The following TUFT1 variants were observed in gnomAD, a reference collection of about 807,000 sequenced individuals.
The protein encoded by TUFT1 is tuftelin.
In TUFT1, 43 loss-of-function variants were observed where a neutral mutation model predicts 57.8. That is an observed-to-expected ratio of 0.74 (90% CI 0.58 to 0.96). The LOEUF is 0.96. Among genes scored for constraint, TUFT1 ranks in the 40% least tolerant of loss-of-function variants. TUFT1 has a pLI of 0.00. For missense variants in TUFT1, 459 were observed against 489.0 expected, an observed-to-expected ratio of 0.94 and a Z score of 0.58; for synonymous variants, 166 against 176.7, an observed-to-expected ratio of 0.94 and a Z score of 0.48.
chr1:151,558,707 C>A (rs889439478), intron 1 of TUFT1, among the ~76,000 whole-genome samples: 2 of 152,022 alleles, frequency 1.3e-5, no homozygotes, highest in Non-Finnish European at 2.9e-5. Context: ...AGCTAATAAC[C>A]CCTTTGTTCT....
intron 11 of TUFT1, among the ~76,000 whole-genome samples, chr1:151,580,661 C>CAAA (rs10714430): frequency 0.01 from 745 of 71,838 alleles, 4 homozygotes; most frequent in Non-Finnish European, 0.016. Flanking sequence ...GACCCTATCT[C>CAAA]AAAAAAAAAA....
intron 1 of TUFT1, among the ~76,000 whole-genome samples, chr1:151,554,633 C>T (rs938781626): frequency 5.4e-5 from 8 of 147,352 alleles, no homozygotes; most frequent in South Asian, 2.2e-4. Context: ...CTCCTGACCT[C>T]GTGATCTACC....
intron 1 of TUFT1, among the ~76,000 whole-genome samples, chr1:151,556,391 C>T (rs72997976): frequency 6.6e-6 from 1 of 150,636 alleles, no homozygotes; most frequent in Non-Finnish European, 1.5e-5. Context: ...TCTCCTCCCC[C>T]TCCCCGTCTC....
At chr1:151,569,831 A>G (rs1007285287) in intron 7 of TUFT1, 61 bp downstream of exon 7, 16 of 1,329,992 alleles carry the variant, frequency 1.2e-5, no homozygotes, top group Admixed American at 1.7e-5. Context: ...CACAGGTGCC[A>G]GTGATGTCTC....
chr1:151,543,597 A>C (rs991213856), intron 1 of TUFT1, among the ~76,000 whole-genome samples: 2 of 152,218 alleles, frequency 1.3e-5, no homozygotes, highest in African/African-American at 4.8e-5. Context: ...AGTTCACAGA[A>C]TTTAAGGGAA....
intron 1 of TUFT1, among the ~76,000 whole-genome samples, chr1:151,548,844 T>C (rs1353771236): frequency 6.6e-6 from 1 of 152,164 alleles, no homozygotes; most frequent in Non-Finnish European, 1.5e-5. Context: ...CTGTAAAACC[T>C]GGGGAGTGAG....
intron 1 of TUFT1, among the ~76,000 whole-genome samples, chr1:151,558,518 G>C (rs1665786115): frequency 6.6e-6 from 1 of 151,824 alleles, no homozygotes; most frequent in African/African-American, 2.4e-5. Flanking sequence ...GCCAAATTTT[G>C]AAAATTTTTG....
intron 1 of TUFT1, among the ~76,000 whole-genome samples, chr1:151,546,852 G>T (rs370643686): frequency 6.6e-6 from 1 of 152,154 alleles, no homozygotes; most frequent in African/African-American, 2.4e-5. Context: ...ACAAGTTTTT[G>T]TGTGGAAATA....
At chr1:151,553,088 G>T (rs114755959) in intron 1 of TUFT1, among the ~76,000 whole-genome samples, 6,691 of 151,974 alleles carry the variant, frequency 0.044, 334 homozygotes, top group East Asian at 0.22. Flanking sequence ...AAGCAAGGTG[G>T]GTCAGATAAT....
chr1:151,581,611 AG>A (rs1351916847), intron 12 of TUFT1, 32 bp from the exon 13 acceptor site: 1 of 1,611,732 alleles, frequency 6.2e-7, no homozygotes, highest in Admixed American at 1.7e-5. Flanking sequence ...AGCTGTTCCC[AG>A]CACAACTCAG....
intron 1 of TUFT1, among the ~76,000 whole-genome samples, chr1:151,553,314 A>G (rs1665569109): frequency 6.6e-6 from 1 of 151,998 alleles, no homozygotes; most frequent in South Asian, 2.1e-4. Flanking sequence ...CTGGTCTCGA[A>G]CTCCTGACCT....
chr1:151,581,017 C>A lies in TUFT1; in HGVS notation c.1084C>A (p.Arg362=). ...ISHGNFSTQA[R]AKTENPGSIR... Reference sequence around the variant, plus strand: ...TCATGGCAACTTCAGCACCCAGGCCCGGGCCAAGACAGAGAACCCGGGCAG... The same window carrying A: ...TCATGGCAACTTCAGCACCCAGGCCAGGGCCAAGACAGAGAACCCGGGCAG... Residue 362 remains arginine, a synonymous_variant, in exon 12 of 13, where the codon CGG becomes AGG. Coordinates refer to ENST00000368849, the MANE Select transcript of TUFT1 (RefSeq NM_020127.3). The A allele has an allele frequency of 6.2e-7, 1 of 1,614,064 alleles. No homozygotes were observed. The highest frequency in any genetic ancestry group is 1.1e-5 in the South Asian group (1 of 91,086).
chr1:151,551,807 A>G (rs1665519556), intron 1 of TUFT1, among the ~76,000 whole-genome samples: 1 of 151,934 alleles, frequency 6.6e-6, no homozygotes, highest in Non-Finnish European at 1.5e-5. Flanking sequence ...TCATAAGGGG[A>G]CTCTAATACC....
chr1:151,578,102 A>C (rs1180662128), intron 9 of TUFT1, among the ~76,000 whole-genome samples: 1 of 152,054 alleles, frequency 6.6e-6, no homozygotes, highest in Non-Finnish European at 1.5e-5. Context: ...CGAGGAGTTC[A>C]TTACACATGA....
chr1:151,574,957 T>C lies in TUFT1; in HGVS notation c.770T>C (p.Leu257Pro). ...AAAGTGAGGGAAGGGGAGGTGGCCCTAGAGGAACTTCGGAGCAACAATGCT... is the reference window on the plus strand; with the variant it reads ...AAAGTGAGGGAAGGGGAGGTGGCCCCAGAGGAACTTCGGAGCAACAATGCT... ...LAKVREGEVA[L>P]EELRSNNADC... Residue 257 changes from leucine to proline, a missense_variant, in exon 9 of 13, where the codon CTA (leucine) becomes CCA (proline). Leu to Pro is a moderately conservative substitution (Grantham distance 98). Transcript: ENST00000368849. 1.3e-6 allele frequency: 2 copies of C among 1,577,688 alleles called. No homozygotes were observed. The highest frequency in any genetic ancestry group is 1.7e-6 in the Non-Finnish European group (2 of 1,161,326).
intron 9 of TUFT1, among the ~76,000 whole-genome samples, chr1:151,575,547 A>G (rs1287124713): frequency 6.6e-6 from 1 of 152,134 alleles, no homozygotes; most frequent in Non-Finnish European, 1.5e-5. Flanking sequence ...TCTACCTCCA[A>G]GGTGAGAGGG....
chr1:151,540,526 G>A, intron 1 of TUFT1, 100 bp downstream of exon 1: 1 of 1,388,782 alleles, frequency 7.2e-7, no homozygotes, highest in South Asian at 1.2e-5. Flanking sequence ...ATCACCTGGT[G>A]CCCGGCTCGC....
intron 3 of TUFT1, 130 bp downstream of exon 3, chr1:151,562,816 G>C: frequency 1.4e-6 from 1 of 708,994 alleles, no homozygotes; most frequent in South Asian, 1.7e-5. Context: ...TGAGCTGCTA[G>C]TTCCTGGCAA....
Position 151,575,022 on chromosome 1 carries a change from T to C in TUFT1, c.818+17T>C. Reference sequence around the variant, plus strand: ...ACGAGAAAAGTAAGGGCTTGGCTCTTGTTCACGGTGAAGTTGGGTTGCAGG... The same window carrying C: ...ACGAGAAAAGTAAGGGCTTGGCTCTCGTTCACGGTGAAGTTGGGTTGCAGG... On this transcript the variant is annotated intron_variant, in intron 9 of 12. Coordinates refer to ENST00000368849, the MANE Select transcript of TUFT1 (RefSeq NM_020127.3). 1 of 1,552,204 alleles carries C rather than the reference T, an allele frequency of 6.4e-7. No individual in the cohort carries two copies. Among genetic ancestry groups the C allele is most frequent in the Non-Finnish European group, 8.7e-7 (1 of 1,146,998 alleles).
Sources: allele counts gnomAD v4.1 joint callset (sites outside exome capture counted in the v4.1 genomes callset), GRCh38; gene constraint gnomAD v4.1.1; transcripts MANE v1.5; gene names NCBI Gene and HGNC (gene_info 2026-07-23, HGNC 2026-07-21).